The following CADPS variants were observed in gnomAD, a reference collection of about 807,000 sequenced individuals.
CADPS encodes the protein calcium-dependent secretion activator 1.
In CADPS, 57 loss-of-function variants were observed where a neutral mutation model predicts 167.3. The observed-to-expected ratio is 0.34, with a 90% CI of 0.28 to 0.42. The LOEUF is 0.42. Among genes scored for constraint, CADPS ranks in the 20% least tolerant of loss-of-function variants. The pLI is 1.00. For synonymous variants in CADPS, 676 were observed against 635.3 expected, an observed-to-expected ratio of 1.06 and a Z score of -0.96; for missense variants, 1,414 against 1,738.1, an observed-to-expected ratio of 0.81 and a Z score of 3.32.
intron 28 of CADPS, among the ~76,000 whole-genome samples, chr3:62,428,963 A>G (rs2053365254): frequency 6.6e-6 from 1 of 152,250 alleles, no homozygotes; most frequent in Non-Finnish European, 1.5e-5. Context: ...CAGTGGTGCC[A>G]AAGACGAGAA....
intron 11 of CADPS, among the ~76,000 whole-genome samples, chr3:62,538,214 C>T (rs991585478): frequency 6.6e-6 from 1 of 152,014 alleles, no homozygotes; most frequent in African/African-American, 2.4e-5. Context: ...TCTTTCAGTT[C>T]GGTTGTTTGG....
At chr3:62,561,256 TTCTC>T (rs1455200694) in intron 9 of CADPS, among the ~76,000 whole-genome samples, 1 of 151,668 alleles carries the variant, frequency 6.6e-6, no homozygotes, top group African/African-American at 2.4e-5. Context: ...CTGTCTCAGA[TTCTC>T]TCTCTCTTTC....
chr3:62,453,590 G>A (rs1411145122), intron 26 of CADPS, among the ~76,000 whole-genome samples: 1 of 152,208 alleles, frequency 6.6e-6, no homozygotes, highest in Non-Finnish European at 1.5e-5. Context: ...CTGAGGGACT[G>A]ACTGCTTGGG....
chr3:62,722,316 C>T (rs1220397271), intron 3 of CADPS, among the ~76,000 whole-genome samples: 2 of 152,238 alleles, frequency 1.3e-5, no homozygotes, highest in South Asian at 4.1e-4. Flanking sequence ...GGCTTTGCAG[C>T]TTTGGAAGTC....
intron 3 of CADPS, among the ~76,000 whole-genome samples, chr3:62,733,031 A>C (rs1390234087): frequency 1.3e-5 from 2 of 152,228 alleles, no homozygotes; most frequent in African/African-American, 4.8e-5. Context: ...TAGAGACTAT[A>C]TGCTGAAATG....
intron 27 of CADPS, among the ~76,000 whole-genome samples, chr3:62,443,259 G>A (rs1457739589): frequency 6.6e-6 from 1 of 152,174 alleles, no homozygotes; most frequent in Non-Finnish European, 1.5e-5. Flanking sequence ...CATATTTAAA[G>A]TGAGGTTATT....
chr3:62,827,104 C>T (rs1445407167), intron 1 of CADPS, among the ~76,000 whole-genome samples: 1 of 152,166 alleles, frequency 6.6e-6, no homozygotes, highest in East Asian at 1.9e-4. Context: ...CAAGATCAGA[C>T]AATGTACTGC....
At chr3:62,693,187 C>A (rs2079539875) in intron 3 of CADPS, among the ~76,000 whole-genome samples, 1 of 152,062 alleles carries the variant, frequency 6.6e-6, no homozygotes, top group Non-Finnish European at 1.5e-5. Flanking sequence ...TCCTCCCTGA[C>A]CATTTCATCC....
chr3:62,444,212 A>G (rs142256253), intron 27 of CADPS, among the ~76,000 whole-genome samples: 59 of 152,282 alleles, frequency 3.9e-4, no homozygotes, highest in Middle Eastern at 3.4e-3. Context: ...AAAGCCGAGA[A>G]TTTCAATTTC....
intron 3 of CADPS, among the ~76,000 whole-genome samples, chr3:62,684,670 C>T (rs753835194): frequency 6.6e-6 from 1 of 151,954 alleles, no homozygotes; most frequent in Admixed American, 6.6e-5. Flanking sequence ...CAATCCACAT[C>T]CACCATTTCC....
At chr3:62,541,254 G>C (rs1001262923) in intron 11 of CADPS, among the ~76,000 whole-genome samples, 4 of 152,100 alleles carry the variant, frequency 2.6e-5, no homozygotes, top group Non-Finnish European at 5.9e-5. Flanking sequence ...GTCTTCAAGG[G>C]CTCCAGATGT....
intron 1 of CADPS, among the ~76,000 whole-genome samples, chr3:62,849,287 G>T (rs1172365479): frequency 6.8e-6 from 1 of 147,822 alleles, no homozygotes; most frequent in Non-Finnish European, 1.5e-5. Flanking sequence ...CTGCCTGATT[G>T]CCCTGGCCAG....
Position 62,473,995 on chromosome 3 carries a change from C to A in CADPS, c.3477+178G>T, listed in dbSNP as rs2060935432. ...TGACTGACATTCTCATCAGCACATG[C>A]CTTAGAAATCTACTTGACAAACAGA... is the stretch of plus-strand genomic sequence containing the variant. On this transcript the variant is annotated intron_variant, in intron 24 of 29. Coordinates refer to ENST00000383710, the MANE Select transcript of CADPS (RefSeq NM_003716.4). The A allele has an allele frequency of 1.5e-5, 8 of 516,270 alleles. 1 individual carries two copies. Among genetic ancestry groups the A allele is most frequent in the Non-Finnish European group, 1.7e-5 (5 of 298,182 alleles). 32.0% of individuals were successfully genotyped at this position (516,270 alleles called of 1,614,324 possible). A position where few individuals can be genotyped will look rare whatever the true frequency, so the allele number is the denominator to read the frequency against.
intron 18 of CADPS, among the ~76,000 whole-genome samples, chr3:62,496,826 C>T (rs1305337349): frequency 6.6e-6 from 1 of 152,182 alleles, no homozygotes; most frequent in African/African-American, 2.4e-5. Context: ...AGGTAGTTGC[C>T]TCAGTGCTCA....
intron 1 of CADPS, among the ~76,000 whole-genome samples, chr3:62,771,090 CAAG>C (rs1308759248): frequency 7.2e-5 from 11 of 152,188 alleles, no homozygotes; most frequent in African/African-American, 2.7e-4. Flanking sequence ...TATCTCTCTA[CAAG>C]AATATATGTT....
At chr3:62,831,298 T>G (rs971638202) in intron 1 of CADPS, among the ~76,000 whole-genome samples, 1 of 152,144 alleles carries the variant, frequency 6.6e-6, no homozygotes, top group African/African-American at 2.4e-5. Flanking sequence ...AGAGGTGAAA[T>G]AACTTTTCCA....
At chr3:62,715,751 A>ATT (rs375673684) in intron 3 of CADPS, among the ~76,000 whole-genome samples, 2 of 86,348 alleles carry the variant, frequency 2.3e-5, no homozygotes, top group African/African-American at 7.0e-5. Flanking sequence ...ATGATTATAA[A>ATT]TCTTTTTTTT....
chr3:62,611,540 C>G (rs1352427620), intron 6 of CADPS, among the ~76,000 whole-genome samples: 1 of 152,226 alleles, frequency 6.6e-6, no homozygotes, highest in South Asian at 2.1e-4. Context: ...TCAATGCATT[C>G]TTTTCACTCA....
Position 62,771,948 on chromosome 3 carries a change from C to G in CADPS, c.442-5964G>C, listed in dbSNP as rs371680396. 2.0e-5 allele frequency among the ~76,000 whole-genome samples: 3 copies of G among 152,180 alleles called. No individual in the cohort carries two copies. The South Asian group carries it at 6.2e-4, about 32-fold the overall frequency. ...GGCAATGCTGAAGTCAGAGCAAGCT[C>G]AAGTCACATGCTAGCTTTGCTATGA... On this transcript the variant is annotated intron_variant, in intron 1 of 29. Transcript: ENST00000383710.
Sources: gnomAD v4.1 joint callset for allele counts (sites outside exome capture counted in the v4.1 genomes callset) on GRCh38, gnomAD v4.1.1 for gene constraint, MANE v1.5 for transcripts, NCBI Gene and HGNC (gene_info 2026-07-23, HGNC 2026-07-21) for gene names.